HRH4: variants seen among roughly 807,000 people sequenced by gnomAD.
HRH4 encodes histamine receptor H4.
In HRH4, 12 loss-of-function variants were observed where a neutral mutation model predicts 10.4. The ratio of observed to expected loss-of-function variants is 1.15; its 90% CI spans 0.74 to 1.87. The LOEUF (loss-of-function observed/expected upper bound fraction) is 1.87. Among genes scored for constraint, HRH4 ranks in the 40% most tolerant of loss-of-function variants. HRH4 has a pLI of 0.00. For missense variants in HRH4, 415 were observed against 453.3 expected (o/e 0.92, Z 0.77); for synonymous variants, 154 against 166.6 (o/e 0.92, Z 0.58).
Position 24,468,933 on chromosome 18 carries a change from C to T in HRH4, c.339C>T (p.Tyr113=). 6.2e-7 allele frequency: 1 copy of T among 1,606,090 alleles called. No homozygotes were observed. The change falls in exon 2 of 3, where the codon TAC becomes TAT. Residue 113 remains tyrosine (Y), a synonymous_variant. Transcript: ENST00000256906. ...TTGTCCTCATCAGCTATGATCGATA[C>T]CTGTCAGTCTCAAATGCTGTAAGTC... ...YNIVLISYDR[Y]LSVSNAVSYR...
intron 2 of HRH4, among the ~76,000 whole-genome samples, chr18:24,470,690 G>A (rs1224408753): frequency 1.3e-5 from 2 of 151,350 alleles, no homozygotes; most frequent in African/African-American, 4.9e-5. Flanking sequence ...TTTTAGTAGA[G>A]ATGGGCTTTC....
intron 2 of HRH4, 95 bp from the exon 3 acceptor site, chr18:24,476,652 C>G (rs1486000060): frequency 1.0e-6 from 1 of 961,776 alleles, no homozygotes; most frequent in African/African-American, 1.6e-5. Context: ...TGTCTCCATC[C>G]TTTGCACATC....
chr18:24,468,933 C>A lies in HRH4; in HGVS notation c.339C>A (p.Tyr113Ter). ...YNIVLISYDR[Y>*]LSVSNAVSYR... ...TTGTCCTCATCAGCTATGATCGATA[C>A]CTGTCAGTCTCAAATGCTGTAAGTC... is the stretch of plus-strand genomic sequence containing the variant. The change falls in exon 2 of 3, where the codon TAC becomes TAA. Residue 113 changes from tyrosine (Y) to a stop codon, truncating the protein, a stop_gained. Coordinates refer to ENST00000256906, the MANE Select transcript of HRH4 (RefSeq NM_021624.4). LOFTEE classifies it low-confidence loss of function (END_TRUNC). The A allele has an allele frequency of 6.2e-7, 1 of 1,606,090 alleles. No homozygotes were observed. Among genetic ancestry groups the A allele is most frequent in the Non-Finnish European group, 8.5e-7 (1 of 1,176,466 alleles).
intron 2 of HRH4, among the ~76,000 whole-genome samples, chr18:24,470,151 G>A (rs557605141): frequency 6.6e-6 from 1 of 152,252 alleles, no homozygotes; most frequent in African/African-American, 2.4e-5. Context: ...TAGATAAACT[G>A]CTGTGACAAA....
At chr18:24,470,501 A>AT (rs200257355) in intron 2 of HRH4, among the ~76,000 whole-genome samples, 63 of 129,906 alleles carry the variant, frequency 4.8e-4, no homozygotes, top group East Asian at 1.9e-3. Flanking sequence ...TTGTTTCTCT[A>AT]TTTTTTTTTT....
At chr18:24,461,069 C>T in intron 1 of HRH4, 148 bp downstream of exon 1, 1 of 508,278 alleles carries the variant, frequency 2.0e-6, no homozygotes, top group Non-Finnish European at 3.4e-6. Context: ...TTGGAGGGGG[C>T]TATATGGCAC....
At chr18:24,468,600 A>G (rs1281800095) in intron 1 of HRH4, among the ~76,000 whole-genome samples, 188 bp from the exon 2 acceptor site, 5 of 152,224 alleles carry the variant, frequency 3.3e-5, no homozygotes, top group Non-Finnish European at 5.9e-5. Flanking sequence ...TCTTCTAAAA[A>G]TGGCGTTTAA....
chr18:24,472,882 C>T (rs560489157), intron 2 of HRH4, among the ~76,000 whole-genome samples: 13 of 152,166 alleles, frequency 8.5e-5, no homozygotes, highest in East Asian at 7.7e-4. Flanking sequence ...GGGTTTGGCG[C>T]GGTGGCTCAT....
chr18:24,461,206 C>T (rs142810962), intron 1 of HRH4, among the ~76,000 whole-genome samples: 54 of 152,186 alleles, frequency 3.5e-4, no homozygotes, highest in African/African-American at 1.3e-3. Context: ...GTAAGAGTTA[C>T]TTGTTTCTGG....
In HRH4 at chr18:24,467,646, C is replaced by T. The variant is rs1315664885; in HGVS notation, c.194-1142C>T. Among the ~76,000 whole-genome samples the T allele has an allele frequency of 5.3e-5, 8 of 152,272 alleles. No individual in the cohort carries two copies. The East Asian group carries it at 7.7e-4, about 15-fold the overall frequency. On this transcript the variant is annotated intron_variant, in intron 1 of 2. Transcript: ENST00000256906. ...GCAACCTCCATCTCCCGGGTTCAAG[C>T]GGTTCTCTTGCCTCAGCCTCCTGAA...
intron 1 of HRH4, among the ~76,000 whole-genome samples, chr18:24,461,311 G>A (rs1909631346): frequency 6.6e-6 from 1 of 152,084 alleles, no homozygotes; most frequent in Non-Finnish European, 1.5e-5. Flanking sequence ...AAGAAATTAT[G>A]TATATGCTAG....
At chr18:24,474,806 C>T (rs1055081864) in intron 2 of HRH4, among the ~76,000 whole-genome samples, 1 of 151,816 alleles carries the variant, frequency 6.6e-6, no homozygotes, top group Admixed American at 6.6e-5. Flanking sequence ...TGTGCCTCAG[C>T]CTCCCGAGAG....
intron 1 of HRH4, among the ~76,000 whole-genome samples, chr18:24,466,105 T>A (rs529258320): frequency 4.6e-5 from 7 of 151,130 alleles, no homozygotes; most frequent in African/African-American, 9.7e-5. Flanking sequence ...CTATATTATT[T>A]TATATATATA....
Position 24,477,648 on chromosome 18 carries a change from A to G in HRH4, c.*86A>G. On this transcript the variant is annotated 3_prime_UTR_variant, in exon 3 of 3. Coordinates refer to ENST00000256906, the MANE Select transcript of HRH4 (RefSeq NM_021624.4). Reference sequence around the variant, plus strand: ...CCCTTTATCTTGCCCTTTTCATTCTACCAACAGATCTGCACTTTGAAGTCA... The same window carrying G: ...CCCTTTATCTTGCCCTTTTCATTCTGCCAACAGATCTGCACTTTGAAGTCA... 1 of 867,888 alleles carries G rather than the reference A, an allele frequency of 1.2e-6. No individual in the cohort carries two copies. The highest frequency in any genetic ancestry group is 1.7e-6 in the Non-Finnish European group (1 of 573,406). The allele number at this position is 867,888 out of a possible 1,614,324, so 53.8% of individuals were successfully genotyped here.
chr18:24,462,528 G>T (rs572479341), intron 1 of HRH4, among the ~76,000 whole-genome samples: 6 of 152,310 alleles, frequency 3.9e-5, no homozygotes, highest in African/African-American at 1.4e-4. Context: ...AGCAGCTAAG[G>T]GTGTGGTTGG....
At chr18:24,475,776 G>A (rs749188537) in intron 2 of HRH4, among the ~76,000 whole-genome samples, 55 of 152,186 alleles carry the variant, frequency 3.6e-4, no homozygotes, top group Non-Finnish European at 7.1e-4. Flanking sequence ...GGGAGGCTGA[G>A]GTGGGCAGAT....
intron 2 of HRH4, among the ~76,000 whole-genome samples, chr18:24,472,952 C>A (rs760486844): frequency 6.6e-6 from 1 of 152,072 alleles, no homozygotes; most frequent in Non-Finnish European, 1.5e-5. Context: ...GTTAGGAGTT[C>A]GAGACCAGCC....
At chr18:24,474,696 A>AT (rs36039916) in intron 2 of HRH4, among the ~76,000 whole-genome samples, 118,432 of 146,582 alleles carry the variant, frequency 0.81, 47,875 homozygotes, top group Middle Eastern at 0.85. Flanking sequence ...AACCTTACTG[A>AT]TTTTTTTTTT....
intron 1 of HRH4, among the ~76,000 whole-genome samples, chr18:24,466,139 G>C (rs1035590650): frequency 1.3e-5 from 2 of 151,600 alleles, no homozygotes; most frequent in Non-Finnish European, 2.9e-5. Flanking sequence ...TTGAGGCAGG[G>C]TCTCACTCTG....
Sources: allele counts gnomAD v4.1 joint callset (sites outside exome capture counted in the v4.1 genomes callset), GRCh38; gene constraint gnomAD v4.1.1; transcripts MANE v1.5; gene names NCBI Gene and HGNC (gene_info 2026-07-23, HGNC 2026-07-21).